The following CHRNA7 variants were observed in gnomAD, a reference collection of about 807,000 sequenced individuals.
CHRNA7 encodes the protein neuronal acetylcholine receptor subunit alpha-7.
CHRNA7 carries 17 observed loss-of-function variants against 48.0 expected under a neutral mutation model. That is an observed-to-expected ratio of 0.35 (90% CI 0.24 to 0.53). The LOEUF (loss-of-function observed/expected upper bound fraction) is 0.53. CHRNA7 is among the 20% of genes least tolerant of loss of function. The pLI is 0.92. For missense variants in CHRNA7, 155 were observed against 577.7 expected, an observed-to-expected ratio of 0.27 and a Z score of 7.50; for synonymous variants, 75 against 242.3, an observed-to-expected ratio of 0.31 and a Z score of 6.41.
At chr15:32,115,287 A>G (rs1462955701) in intron 4 of CHRNA7, among the ~76,000 whole-genome samples, 1 of 152,200 alleles carries the variant, frequency 6.6e-6, no homozygotes, top group Non-Finnish European at 1.5e-5. Context: ...AGGAAACCGA[A>G]AGACCAGAAG....
intron 2 of CHRNA7, among the ~76,000 whole-genome samples, chr15:32,039,573 A>G (rs2049411058): frequency 6.6e-6 from 1 of 152,122 alleles, no homozygotes. Flanking sequence ...TTTTTCAGTA[A>G]TCTTTCTGTT....
In CHRNA7 at chr15:32,170,544, T is replaced by C. The variant is rs1327765740; in HGVS notation, c.*2086T>C. The C allele has an allele frequency of 1.3e-5, 2 of 150,384 alleles. No individual in the cohort carries two copies. The highest frequency in any genetic ancestry group is 2.5e-5 in the African/African-American group (1 of 40,572). 9.3% of individuals were successfully genotyped at this position (150,384 alleles called of 1,614,324 possible). ...AAATTGATCCCTCCCACATTTTTGC[T>C]TTAAAAAGAAACCTTTTTGGTTTTG... is the stretch of plus-strand genomic sequence containing the variant. On this transcript the variant is annotated 3_prime_UTR_variant, in exon 10 of 10. Transcript: ENST00000306901.
intron 4 of CHRNA7, among the ~76,000 whole-genome samples, chr15:32,142,904 G>A (rs2051411301): frequency 6.6e-6 from 1 of 151,884 alleles, no homozygotes; most frequent in South Asian, 2.1e-4. Flanking sequence ...AGGTTTTTTT[G>A]TGTCTCTATC....
At chr15:32,077,350 T>G (rs1381675175) in intron 2 of CHRNA7, among the ~76,000 whole-genome samples, 5 of 152,142 alleles carry the variant, frequency 3.3e-5, no homozygotes, top group African/African-American at 4.8e-5. Flanking sequence ...AAGAGTATGT[T>G]TAGTTTTGTA....
intron 3 of CHRNA7, chr15:32,101,667 C>T (rs1474863059): frequency 1.5e-5 from 4 of 259,560 alleles, no homozygotes; most frequent in Non-Finnish European, 2.8e-5. Flanking sequence ...GCACCACAGC[C>T]AGTCCCCAGG....
intron 4 of CHRNA7, among the ~76,000 whole-genome samples, chr15:32,135,558 A>G (rs1028400256): frequency 1.3e-5 from 2 of 152,200 alleles, no homozygotes; most frequent in African/African-American, 4.8e-5. Context: ...AGCAGCTCAG[A>G]CAGTGAACAG....
At chr15:32,042,018 CT>C (rs1387822358) in intron 2 of CHRNA7, among the ~76,000 whole-genome samples, 5 of 152,208 alleles carry the variant, frequency 3.3e-5, no homozygotes, top group Non-Finnish European at 7.3e-5. Flanking sequence ...TGTTCTGTCT[CT>C]TCAAATTGTG....
chr15:32,120,311 C>T (rs555289594), intron 4 of CHRNA7, among the ~76,000 whole-genome samples: 3 of 152,182 alleles, frequency 2.0e-5, no homozygotes, highest in Admixed American at 6.5e-5. Context: ...CCCTTTCCCT[C>T]CCTCTGAGCT....
At chr15:32,137,133 C>T (rs372375187) in intron 4 of CHRNA7, among the ~76,000 whole-genome samples, 1 of 141,650 alleles carries the variant, frequency 7.1e-6, no homozygotes, top group South Asian at 2.3e-4. Flanking sequence ...GAAATGAAAA[C>T]AAATATTACA....
intron 4 of CHRNA7, among the ~76,000 whole-genome samples, chr15:32,129,136 A>G (rs1244477513): frequency 2.0e-5 from 3 of 151,880 alleles, no homozygotes; most frequent in Non-Finnish European, 4.4e-5. Context: ...TTCCTTATAT[A>G]TACTGCTAAG....
intron 4 of CHRNA7, among the ~76,000 whole-genome samples, chr15:32,153,014 T>TA (rs2051663882): frequency 2.0e-5 from 3 of 151,630 alleles, no homozygotes; most frequent in African/African-American, 4.9e-5. Flanking sequence ...AACTCGCACT[T>TA]ACTTCTGTTG....
intron 2 of CHRNA7, among the ~76,000 whole-genome samples, chr15:32,036,162 C>T (rs144562572): frequency 6.6e-6 from 1 of 152,180 alleles, no homozygotes; most frequent in African/African-American, 2.4e-5. Context: ...TCCACAATGT[C>T]GTATGGTTGG....
chr15:32,068,101 C>G (rs537448373), intron 2 of CHRNA7, among the ~76,000 whole-genome samples: 1 of 152,200 alleles, frequency 6.6e-6, no homozygotes, highest in African/African-American at 2.4e-5. Context: ...TGCTTGAGGC[C>G]TATCGTTGGA....
intron 3 of CHRNA7, among the ~76,000 whole-genome samples, chr15:32,105,593 T>A (rs2050656470): frequency 6.6e-6 from 1 of 152,188 alleles, no homozygotes; most frequent in South Asian, 2.1e-4. Context: ...TGACAGCTGG[T>A]GGTCAGATAG....
chr15:32,122,553 G>T (rs1264116186), intron 4 of CHRNA7, among the ~76,000 whole-genome samples: 1 of 151,818 alleles, frequency 6.6e-6, no homozygotes, highest in African/African-American at 2.4e-5. Context: ...TATGGCTTTG[G>T]GGTCCCAGAC....
At chr15:32,148,399 C>T (rs2051538150) in intron 4 of CHRNA7, among the ~76,000 whole-genome samples, 1 of 152,140 alleles carries the variant, frequency 6.6e-6, no homozygotes, top group South Asian at 2.1e-4. Context: ...CTCTTCTTTT[C>T]TGGCTCAGTG....
intron 4 of CHRNA7, among the ~76,000 whole-genome samples, chr15:32,133,192 TCTC>T (rs1343391370): frequency 1.3e-5 from 2 of 152,242 alleles, no homozygotes; most frequent in Non-Finnish European, 2.9e-5. Flanking sequence ...CAGAACATCT[TCTC>T]CTTCCACTGC....
intron 4 of CHRNA7, among the ~76,000 whole-genome samples, chr15:32,116,648 G>A (rs1186634872): frequency 1.3e-5 from 2 of 152,222 alleles, no homozygotes; most frequent in Non-Finnish European, 2.9e-5. Flanking sequence ...CAGTCCGCTT[G>A]CAGAAGGACA....
intron 4 of CHRNA7, among the ~76,000 whole-genome samples, chr15:32,133,297 T>C (rs2051188011): frequency 6.6e-6 from 1 of 152,248 alleles, no homozygotes; most frequent in Admixed American, 6.5e-5. Context: ...GGACATACTT[T>C]TTAAAAAATT....
Sources: allele counts gnomAD v4.1 joint callset (sites outside exome capture counted in the v4.1 genomes callset), GRCh38; gene constraint gnomAD v4.1.1; transcripts MANE v1.5; gene names NCBI Gene and HGNC (gene_info 2026-07-23, HGNC 2026-07-21).